ASIC2: variants seen among roughly 807,000 people sequenced by gnomAD.
ASIC2 encodes the protein acid-sensing ion channel 2.
Under a neutral mutation model 57.3 loss-of-function variants are expected in ASIC2, and 25 were observed. The observed-to-expected ratio is 0.44, with a 90% CI of 0.32 to 0.61. ASIC2 has a LOEUF of 0.61. Among genes scored for constraint, ASIC2 ranks in the 20% least tolerant of loss-of-function variants. The pLI is 0.06. For missense variants in ASIC2, 641 were observed against 738.1 expected (o/e 0.87, Z 1.52); for synonymous variants, 319 against 307.5 (o/e 1.04, Z -0.39).
intron 1 of ASIC2, among the ~76,000 whole-genome samples, chr17:34,000,391 A>T: frequency 6.6e-6 from 1 of 151,870 alleles, no homozygotes; most frequent in Non-Finnish European, 1.5e-5. Context: ...AGCTGGGATT[A>T]CAGGCGTGTG....
chr17:33,109,146 C>T (rs1316515905), intron 2 of ASIC2, among the ~76,000 whole-genome samples: 1 of 152,094 alleles, frequency 6.6e-6, no homozygotes, highest in East Asian at 1.9e-4. Context: ...GTACAGTGTA[C>T]ACTGCTTGGG....
intron 1 of ASIC2, among the ~76,000 whole-genome samples, chr17:33,364,668 G>A (rs1908737870): frequency 6.6e-6 from 1 of 152,024 alleles, no homozygotes. Flanking sequence ...GTTTCCTGAG[G>A]CCTCCCCAGC....
chr17:34,106,567 C>G (rs911891476), intron 1 of ASIC2, among the ~76,000 whole-genome samples: 3 of 152,138 alleles, frequency 2.0e-5, no homozygotes, highest in African/African-American at 7.2e-5. Flanking sequence ...TCTATCTAAT[C>G]TATATACTCA....
chr17:33,161,049 C>T (rs1022665790), intron 1 of ASIC2, among the ~76,000 whole-genome samples: 23 of 152,178 alleles, frequency 1.5e-4, no homozygotes, highest in Non-Finnish European at 2.6e-4. Flanking sequence ...TAAATCTCAA[C>T]ACAAGCTTAG....
At chr17:33,344,407 G>A (rs2142240831) in intron 1 of ASIC2, among the ~76,000 whole-genome samples, 1 of 152,254 alleles carries the variant, frequency 6.6e-6, no homozygotes, top group South Asian at 2.1e-4. Flanking sequence ...AGGGAGCGGG[G>A]CACCAGGAAT....
At chr17:33,430,191 C>A (rs773833613) in intron 1 of ASIC2, among the ~76,000 whole-genome samples, 11 of 152,204 alleles carry the variant, frequency 7.2e-5, no homozygotes, top group Non-Finnish European at 1.2e-4. Flanking sequence ...AAACTGGCCT[C>A]CATTACCTTT....
intron 1 of ASIC2, among the ~76,000 whole-genome samples, chr17:33,280,537 T>C (rs1904899934): frequency 6.6e-6 from 1 of 152,228 alleles, no homozygotes; most frequent in Non-Finnish European, 1.5e-5. Context: ...TGTTAGAGGC[T>C]GGGCCTGACC....
chr17:33,570,325 A>G lies in ASIC2; in HGVS notation c.556-458258T>C, dbSNP rs1289076220. Among the ~76,000 whole-genome samples, 4 of 152,328 alleles carry G rather than the reference A, an allele frequency of 2.6e-5. No homozygotes were observed. In the East Asian group the frequency reaches 7.7e-4, roughly 29 times the overall value. The stretch of plus-strand genomic sequence containing the variant: ...CCCATCAGGACTCTGAGAAATCAGG[A>G]ATGAGTCTTGATACTTCAAGCTTTG... On this transcript the variant is annotated intron_variant, in intron 1 of 9. Coordinates refer to the ASIC2 transcript ENST00000359872.
At chr17:33,471,971 G>T (rs1436757813) in intron 1 of ASIC2, among the ~76,000 whole-genome samples, 1 of 151,482 alleles carries the variant, frequency 6.6e-6, no homozygotes, top group East Asian at 1.9e-4. Context: ...CTCACTCAAG[G>T]TCTTACAGAG....
chr17:33,978,893 T>A (rs1418386266), intron 1 of ASIC2, among the ~76,000 whole-genome samples: 1 of 152,000 alleles, frequency 6.6e-6, no homozygotes, highest in Non-Finnish European at 1.5e-5. Context: ...CAAAACAGAA[T>A]AAACACACTT....
intron 1 of ASIC2, among the ~76,000 whole-genome samples, chr17:33,362,039 T>G (rs7213724): frequency 0.29 from 44,453 of 152,134 alleles, 7,363 homozygotes; most frequent in Admixed American, 0.37. Flanking sequence ...CTGCTGTGTG[T>G]TATACCTCGG....
chr17:33,988,891 T>A (rs1159459555), intron 1 of ASIC2, among the ~76,000 whole-genome samples: 1 of 152,066 alleles, frequency 6.6e-6, no homozygotes, highest in Non-Finnish European at 1.5e-5. Context: ...AAAGCAGACA[T>A]GTAATTTATA....
At chr17:33,082,829 C>T (rs1354863965) in intron 3 of ASIC2, among the ~76,000 whole-genome samples, 1 of 152,146 alleles carries the variant, frequency 6.6e-6, no homozygotes, top group African/African-American at 2.4e-5. Flanking sequence ...ATGAATATCC[C>T]AGCTTTGCAG....
intron 1 of ASIC2, among the ~76,000 whole-genome samples, chr17:33,267,854 T>C (rs927062186): frequency 3.9e-5 from 6 of 152,142 alleles, no homozygotes; most frequent in African/African-American, 1.2e-4. Flanking sequence ...CCCTGGTGTT[T>C]CCTTGAGGGA....
intron 1 of ASIC2, among the ~76,000 whole-genome samples, chr17:34,032,781 G>C (rs1364642752): frequency 6.6e-6 from 1 of 152,198 alleles, no homozygotes; most frequent in African/African-American, 2.4e-5. Flanking sequence ...ATTACATAAA[G>C]GGAAAGGGAT....
At chr17:33,478,512 G>C (rs1913301181) in intron 1 of ASIC2, among the ~76,000 whole-genome samples, 1 of 152,222 alleles carries the variant, frequency 6.6e-6, no homozygotes, top group Admixed American at 6.5e-5. Context: ...AAGGCTTCTA[G>C]GTGGCCTGAG....
intron 1 of ASIC2, among the ~76,000 whole-genome samples, chr17:33,238,168 G>T (rs1306574810): frequency 6.6e-6 from 1 of 152,214 alleles, no homozygotes; most frequent in Non-Finnish European, 1.5e-5. Context: ...TACCACTCGG[G>T]CCTGAAGTCA....
chr17:34,092,126 A>G (rs1910355662), intron 1 of ASIC2, among the ~76,000 whole-genome samples: 1 of 152,184 alleles, frequency 6.6e-6, no homozygotes, highest in Non-Finnish European at 1.5e-5. Context: ...CCAGGTCTAC[A>G]CCAGTACACC....
chr17:33,062,356 G>A (rs1379935020), intron 3 of ASIC2, among the ~76,000 whole-genome samples: 1 of 152,168 alleles, frequency 6.6e-6, no homozygotes, highest in African/African-American at 2.4e-5. Flanking sequence ...ATTCTGGTAT[G>A]TTGTGTCTTT....
Sources: allele counts gnomAD v4.1 joint callset (sites outside exome capture counted in the v4.1 genomes callset), GRCh38; gene constraint gnomAD v4.1.1; transcripts MANE v1.5; gene names NCBI Gene and HGNC (gene_info 2026-07-23, HGNC 2026-07-21).